The following RLIG1 variants were observed in gnomAD, a reference collection of about 807,000 sequenced individuals.
RLIG1 encodes RNA ligase 1.
chr12:88,044,437 A>G, the RLIG1 span: 1 of 152,246 alleles, frequency 6.6e-6, no homozygotes, highest in Non-Finnish European at 1.5e-5. Context: ...TTAAGGTTAT[A>G]GGTTCTCAAC....
the RLIG1 span, chr12:88,043,704 G>T: frequency 6.2e-7 from 1 of 1,608,222 alleles, no homozygotes; most frequent in Non-Finnish European, 8.5e-7. Flanking sequence ...GATGAAAATG[G>T]ACACATTCCT....
chr12:88,043,251 TA>T, the RLIG1 span, among the ~76,000 whole-genome samples: 1 of 152,078 alleles, frequency 6.6e-6, no homozygotes, highest in Non-Finnish European at 1.5e-5. Flanking sequence ...AAAATGCTTT[TA>T]AATATCTGTA....
the RLIG1 span, chr12:88,046,860 C>T: frequency 1.2e-6 from 2 of 1,613,010 alleles, no homozygotes; most frequent in Non-Finnish European, 1.7e-6. Flanking sequence ...TGGAGCATTT[C>T]AAATAAGAAA....
chr12:88,037,364 T>G, the RLIG1 span, among the ~76,000 whole-genome samples: 8 of 150,610 alleles, frequency 5.3e-5, no homozygotes, highest in Non-Finnish European at 1.2e-4. Flanking sequence ...TAAAGCCTTT[T>G]ATGACAGGTG....
the RLIG1 span, chr12:88,049,020 T>C: frequency 1.4e-5 from 6 of 430,194 alleles, no homozygotes; most frequent in South Asian, 8.7e-5. Flanking sequence ...TTATAATAAG[T>C]TGAAAATTTC....
the RLIG1 span, chr12:88,049,357 C>T: frequency 6.4e-7 from 1 of 1,570,742 alleles, no homozygotes; most frequent in Non-Finnish European, 8.7e-7. Flanking sequence ...TCTTCAATTT[C>T]TTCAAAAAAT....
chr12:88,040,500 G>A, the RLIG1 span, among the ~76,000 whole-genome samples: 1 of 152,110 alleles, frequency 6.6e-6, no homozygotes, highest in Non-Finnish European at 1.5e-5. Flanking sequence ...CAGGCAGTAT[G>A]GTGCTTGACA....
At chr12:88,040,191 TAGATGC>T in the RLIG1 span, 1 of 1,611,268 alleles carries the variant, frequency 6.2e-7, no homozygotes, top group South Asian at 1.1e-5. Context: ...CACAAGGCAT[TAGATGC>T]AGATATATAC....
the RLIG1 span, chr12:88,048,217 C>T: frequency 2.6e-6 from 4 of 1,512,888 alleles, no homozygotes; most frequent in Non-Finnish European, 3.5e-6. Flanking sequence ...AAGCTAATAC[C>T]TTTTTTCTCT....
At chr12:88,045,791 C>T in the RLIG1 span, 5 of 1,602,240 alleles carry the variant, frequency 3.1e-6, no homozygotes, top group Non-Finnish European at 4.3e-6. Context: ...TGAGTGAAGA[C>T]TTTTTCTTGT....
chr12:88,037,272 T>G, the RLIG1 span, among the ~76,000 whole-genome samples: 1 of 152,182 alleles, frequency 6.6e-6, no homozygotes, highest in Non-Finnish European at 1.5e-5. Flanking sequence ...TTCAGTGATT[T>G]CCCCTACCCA....
chr12:88,039,634 C>T, the RLIG1 span, among the ~76,000 whole-genome samples: 3 of 152,104 alleles, frequency 2.0e-5, no homozygotes, highest in African/African-American at 7.2e-5. Context: ...GTTTCCCTTT[C>T]CACCGTATCC....
chr12:88,043,792 C>T, the RLIG1 span: 1 of 1,058,146 alleles, frequency 9.5e-7, no homozygotes, highest in East Asian at 2.6e-5. Context: ...TCAGAAATTA[C>T]AGAATTTTAA....
At chr12:88,043,972 CAAAAG>C in the RLIG1 span, 7 of 440,846 alleles carry the variant, frequency 1.6e-5, no homozygotes, top group Non-Finnish European at 2.4e-5. Context: ...AATAAAGCGT[CAAAAG>C]AGAATAGCCT....
the RLIG1 span, among the ~76,000 whole-genome samples, chr12:88,039,694 G>A: frequency 3.5e-4 from 54 of 152,142 alleles, no homozygotes; most frequent in Non-Finnish European, 6.3e-4. Context: ...TTTAGCACTT[G>A]CTTGTCATAG....
chr12:88,038,852 T>C, the RLIG1 span, among the ~76,000 whole-genome samples: 1 of 152,174 alleles, frequency 6.6e-6, no homozygotes, highest in Admixed American at 6.5e-5. Flanking sequence ...CTAATGATAA[T>C]TGCTTCATGA....
the RLIG1 span, among the ~76,000 whole-genome samples, chr12:88,037,808 G>A: frequency 6.6e-6 from 1 of 152,150 alleles, no homozygotes; most frequent in Admixed American, 6.6e-5. Context: ...TTTGTAAGAT[G>A]ATGCTACTTC....
chr12:88,045,634 A>G, the RLIG1 span: 2 of 1,613,068 alleles, frequency 1.2e-6, no homozygotes, highest in Non-Finnish European at 1.7e-6. Context: ...ATTCCTCTGT[A>G]GTTAATTATG....
At chr12:88,044,104 C>G in the RLIG1 span, 1 of 192,678 alleles carries the variant, frequency 5.2e-6, no homozygotes, top group Non-Finnish European at 1.0e-5. Flanking sequence ...AAAACCCTGT[C>G]TCTACCAAAA....
Sources: allele counts gnomAD v4.1 joint callset (sites outside exome capture counted in the v4.1 genomes callset), GRCh38; gene constraint gnomAD v4.1.1; transcripts MANE v1.5; gene names NCBI Gene and HGNC (gene_info 2026-07-23, HGNC 2026-07-21).